SPHKAP: variants seen among roughly 807,000 people sequenced by gnomAD.
SPHKAP encodes the protein SPHK1 interactor, AKAP domain containing.
A neutral mutation model predicts 137.5 loss-of-function variants in SPHKAP; 67 were observed. The ratio of observed to expected loss-of-function variants is 0.49; its 90% CI spans 0.40 to 0.60. The LOEUF (loss-of-function observed/expected upper bound fraction) is 0.60, where lower values mean the gene tolerates loss of function less well. Among genes scored for constraint, SPHKAP ranks in the 20% least tolerant of loss-of-function variants. The pLI is 0.00. For missense variants in SPHKAP, 2,097 were observed against 2,069.3 expected, an observed-to-expected ratio of 1.01 and a Z score of -0.26; for synonymous variants, 813 against 785.3, an observed-to-expected ratio of 1.04 and a Z score of -0.59.
chr2:228,132,256 G>C (rs1699276751), intron 1 of SPHKAP, among the ~76,000 whole-genome samples, 171 bp from the exon 2 acceptor site: 1 of 152,152 alleles, frequency 6.6e-6, no homozygotes. Flanking sequence ...ATACACTTTT[G>C]TAATTGGCAG....
chr2:228,023,948 A>C (rs1029876665), intron 5 of SPHKAP, among the ~76,000 whole-genome samples: 1 of 152,082 alleles, frequency 6.6e-6, no homozygotes, highest in African/African-American at 2.4e-5. Flanking sequence ...CCTGGAAATG[A>C]CGTCCCATTC....
intron 3 of SPHKAP, among the ~76,000 whole-genome samples, chr2:228,034,607 T>G (rs917298104): frequency 6.6e-6 from 1 of 152,170 alleles, no homozygotes; most frequent in Non-Finnish European, 1.5e-5. Flanking sequence ...ATATCCTTGA[T>G]GAACATTGAT....
chr2:228,064,574 G>T (rs925232718), intron 3 of SPHKAP, among the ~76,000 whole-genome samples: 3 of 152,116 alleles, frequency 2.0e-5, no homozygotes, highest in African/African-American at 7.2e-5. Flanking sequence ...TATTCCTGGG[G>T]CGTATCAGTC....
intron 1 of SPHKAP, among the ~76,000 whole-genome samples, chr2:228,144,622 A>C (rs1386689796): frequency 1.3e-5 from 2 of 152,104 alleles, no homozygotes; most frequent in Middle Eastern, 3.2e-3. Flanking sequence ...GGGTGATATA[A>C]AGGTATTTTG....
intron 1 of SPHKAP, among the ~76,000 whole-genome samples, chr2:228,154,500 CTCTCTCTCTCTCTA>C (rs1304751864): frequency 1.1e-4 from 3 of 27,264 alleles, no homozygotes; most frequent in African/African-American, 4.0e-4. Flanking sequence ...CTCTCTCTCT[CTCTCTCTCTCTCTA>C]TATATATATA....
In SPHKAP at chr2:228,019,847, T is replaced by A. The variant is rs1694766750; in HGVS notation, c.1007A>T (p.Gln336Leu). ...AGCATCTTTTGGAATATACAGTGCC[T>A]GTGATTTTTCCATTTGACCTTTAAA... is the stretch of plus-strand genomic sequence containing the variant. ...EAFKGQMEKS[Q>L]ALYIPKDAYF... is the part of the protein sequence containing the mutation. The change falls in exon 7 of 12, where the codon CAG becomes CTG. Residue 336 changes from glutamine (Q) to leucine (L), a missense_variant. Physicochemically the swap from Gln to Leu is moderately radical, Grantham distance 113. Transcript: ENST00000392056. 3.7e-6 allele frequency: 6 copies of A among 1,614,216 alleles called. No homozygotes were observed. Among genetic ancestry groups the A allele is most frequent in the Non-Finnish European group, 4.2e-6 (5 of 1,180,042 alleles).
At position 228,079,727 on chromosome 2, in the gene SPHKAP, C is replaced by T. The variant is rs182985957; in HGVS notation, c.246+29105G>A. 8.5e-5 allele frequency among the ~76,000 whole-genome samples: 13 copies of T among 152,332 alleles called. No homozygotes were observed. The South Asian group carries it at 2.3e-3, about 27-fold the overall frequency. ...AGCAAGTCCCCTTGAATATAGGCTG[C>T]AGGCCCATCTTCGTATACCCAGGCT... On this transcript the variant is annotated intron_variant, in intron 3 of 11. Transcript: ENST00000392056.
intron 2 of SPHKAP, among the ~76,000 whole-genome samples, chr2:228,121,487 G>C (rs1011758890): frequency 1.3e-5 from 2 of 152,170 alleles, no homozygotes; most frequent in Non-Finnish European, 2.9e-5. Flanking sequence ...CTGCATTCCA[G>C]GCTGGGTGAC....
At chr2:228,131,847 G>C in intron 2 of SPHKAP, 133 bp downstream of exon 2, 1 of 1,411,502 alleles carries the variant, frequency 7.1e-7, no homozygotes, top group Non-Finnish European at 9.4e-7. Flanking sequence ...GCTTACTTGG[G>C]AAAGCAAACC....
intron 3 of SPHKAP, among the ~76,000 whole-genome samples, chr2:228,099,876 A>G (rs1302610693): frequency 2.7e-5 from 4 of 150,666 alleles, no homozygotes; most frequent in Non-Finnish European, 5.9e-5. Context: ...TTGAGATGGA[A>G]TCTCGCTCTG....
chr2:228,005,651 T>A (rs1694100448), intron 7 of SPHKAP, among the ~76,000 whole-genome samples: 1 of 152,238 alleles, frequency 6.6e-6, no homozygotes, highest in Non-Finnish European at 1.5e-5. Flanking sequence ...GCATTGATGG[T>A]CTTTACAATT....
At chr2:228,025,199 T>C (rs556915598) in intron 5 of SPHKAP, among the ~76,000 whole-genome samples, 195 bp downstream of exon 5, 9 of 152,352 alleles carry the variant, frequency 5.9e-5, no homozygotes, top group African/African-American at 1.9e-4. Flanking sequence ...TAGGAGTTGA[T>C]GTAAGAAAAG....
chr2:228,043,167 GA>G, intron 3 of SPHKAP, among the ~76,000 whole-genome samples: 1 of 152,160 alleles, frequency 6.6e-6, no homozygotes, highest in East Asian at 1.9e-4. Flanking sequence ...TATTATTAGA[GA>G]AAAAAATATT....
At chr2:228,077,234 C>T (rs1697215095) in intron 3 of SPHKAP, among the ~76,000 whole-genome samples, 1 of 152,138 alleles carries the variant, frequency 6.6e-6, no homozygotes, top group Non-Finnish European at 1.5e-5. Flanking sequence ...GTCAGAGCCT[C>T]CCCCACCCCC....
chr2:228,000,441 A>G (rs559371065), intron 7 of SPHKAP, among the ~76,000 whole-genome samples: 2 of 152,130 alleles, frequency 1.3e-5, no homozygotes, highest in East Asian at 3.9e-4. Context: ...ACATGGTGAA[A>G]CCCCATCTCT....
chr2:227,995,780 A>G, intron 7 of SPHKAP, 86 bp from the exon 8 acceptor site: 1 of 1,391,278 alleles, frequency 7.2e-7, no homozygotes, highest in Non-Finnish European at 9.5e-7. Context: ...GTAGAGTCCC[A>G]ATAAACAGGA....
At chr2:227,990,233 T>A (rs1693365804) in intron 11 of SPHKAP, among the ~76,000 whole-genome samples, 1 of 152,248 alleles carries the variant, frequency 6.6e-6, no homozygotes, top group South Asian at 2.1e-4. Context: ...ACAGTAGAAC[T>A]CACCCTAACT....
intron 1 of SPHKAP, among the ~76,000 whole-genome samples, chr2:228,170,884 A>G (rs1044258957): frequency 4.5e-4 from 68 of 152,266 alleles, no homozygotes; most frequent in African/African-American, 1.5e-3. Context: ...AGGTATATGC[A>G]ATAAAGCGGA....
intron 2 of SPHKAP, chr2:228,109,569 G>A (rs1698451867): frequency 6.4e-6 from 1 of 156,822 alleles, no homozygotes; most frequent in Non-Finnish European, 1.4e-5. Flanking sequence ...ACAAATATCT[G>A]ATTTCTGGTC....
Sources: gnomAD v4.1 joint callset for allele counts (sites outside exome capture counted in the v4.1 genomes callset) on GRCh38, gnomAD v4.1.1 for gene constraint, MANE v1.5 for transcripts, NCBI Gene and HGNC (gene_info 2026-07-23, HGNC 2026-07-21) for gene names.